Variants in CA8 observed in about 807,000 individuals in gnomAD.
CA8 encodes carbonic anhydrase-related protein.
Under a neutral mutation model 41.4 loss-of-function variants are expected in CA8, and 22 were observed. That is an observed-to-expected ratio of 0.53 (90% CI 0.38 to 0.76). The LOEUF is 0.76. Among genes scored for constraint, CA8 ranks in the 30% least tolerant of loss-of-function variants. The pLI, the probability that CA8 is intolerant of heterozygous loss-of-function variation, is 0.00. For missense variants in CA8, 270 were observed against 352.8 expected (o/e 0.77, Z 1.88); for synonymous variants, 121 against 130.6 (o/e 0.93, Z 0.50).
chr8:60,236,207 C>T (rs1478444355), intron 3 of CA8, among the ~76,000 whole-genome samples: 6 of 152,206 alleles, frequency 3.9e-5, no homozygotes, highest in African/African-American at 7.2e-5. Context: ...TTTAAGAGCA[C>T]AGACTGAGGT....
At position 60,188,608 on chromosome 8, in the gene CA8, G is replaced by C. The variant is rs1806028304; in HGVS notation, c.*1413C>G. On this transcript the variant is annotated 3_prime_UTR_variant, in exon 9 of 9. Coordinates refer to ENST00000317995, the MANE Select transcript of CA8 (RefSeq NM_004056.6). ...ACACTAGGAACTGTTATACACAAGG[G>C]AAGTCCAGGACCTCTCTCCGCTTTC... is the stretch of plus-strand genomic sequence containing the variant. 6.6e-6 allele frequency: 1 copy of C among 152,204 alleles called. No individual in the cohort carries two copies. The highest frequency in any genetic ancestry group is 6.6e-5 in the Admixed American group (1 of 15,264). 9.4% of individuals were successfully genotyped at this position (152,204 alleles called of 1,614,324 possible). A position where few individuals can be genotyped will look rare whatever the true frequency, so the allele number is the denominator to read the frequency against.
intron 3 of CA8, among the ~76,000 whole-genome samples, chr8:60,234,663 A>T (rs1277868596): frequency 6.6e-6 from 1 of 152,164 alleles, no homozygotes; most frequent in Non-Finnish European, 1.5e-5. Context: ...ATGTCCAGCA[A>T]AATAACACGA....
At chr8:60,276,996 G>A (rs1324516509) in intron 2 of CA8, among the ~76,000 whole-genome samples, 1 of 151,934 alleles carries the variant, frequency 6.6e-6, no homozygotes, top group Non-Finnish European at 1.5e-5. Flanking sequence ...GCGGGCGCCT[G>A]TAATCCCAGC....
intron 8 of CA8, among the ~76,000 whole-genome samples, chr8:60,204,951 G>C (rs1365933557): frequency 6.6e-6 from 1 of 152,038 alleles, no homozygotes; most frequent in African/African-American, 2.4e-5. Context: ...AACTCTTTTA[G>C]GTTATCAAAG....
At chr8:60,211,277 T>C (rs1385429493) in intron 7 of CA8, among the ~76,000 whole-genome samples, 3 of 152,242 alleles carry the variant, frequency 2.0e-5, no homozygotes, top group Non-Finnish European at 4.4e-5. Flanking sequence ...TCTTTTGAAG[T>C]GAAACCTTCA....
chr8:60,208,990 G>A (rs1806738443), intron 7 of CA8, 71 bp from the exon 8 acceptor site: 15 of 1,453,442 alleles, frequency 1.0e-5, no homozygotes, highest in East Asian at 4.6e-5. Context: ...TTTCATAAAT[G>A]ACATGCATAA....
chr8:60,280,907 G>A, intron 1 of CA8, 141 bp downstream of exon 1: 2 of 696,134 alleles, frequency 2.9e-6, no homozygotes, highest in South Asian at 1.5e-5. Flanking sequence ...AGGGGAGTGG[G>A]AAAGTGGCAG....
chr8:60,256,600 CA>C (rs111493657), intron 3 of CA8, among the ~76,000 whole-genome samples: 1 of 151,508 alleles, frequency 6.6e-6, no homozygotes, highest in East Asian at 1.9e-4. Context: ...CAGAAAAAAA[CA>C]AAAAAAAGCA....
intron 7 of CA8, among the ~76,000 whole-genome samples, chr8:60,217,927 C>A (rs922943473): frequency 3.9e-5 from 6 of 152,160 alleles, no homozygotes; most frequent in African/African-American, 1.4e-4. Flanking sequence ...AATTCAAATT[C>A]GGTCATATCT....
At chr8:60,225,122 T>C (rs1368984316) in intron 5 of CA8, among the ~76,000 whole-genome samples, 1 of 152,098 alleles carries the variant, frequency 6.6e-6, no homozygotes, top group Admixed American at 6.6e-5. Context: ...ATGGAAATAT[T>C]CTGTTCCGAT....
intron 8 of CA8, 162 bp downstream of exon 8, chr8:60,208,588 T>C (rs1307077147): frequency 3.1e-6 from 2 of 648,134 alleles, no homozygotes; most frequent in Non-Finnish European, 5.4e-6. Context: ...AAATACCTAC[T>C]TGACCTGTAA....
chr8:60,274,354 C>T (rs1168873713), intron 2 of CA8, among the ~76,000 whole-genome samples: 1 of 151,932 alleles, frequency 6.6e-6, no homozygotes, highest in African/African-American at 2.4e-5. Flanking sequence ...TAATGGGCGG[C>T]GGTAGGGGGG....
chr8:60,247,480 C>T (rs1270601191), intron 3 of CA8, among the ~76,000 whole-genome samples: 2 of 152,166 alleles, frequency 1.3e-5, no homozygotes, highest in Non-Finnish European at 1.5e-5. Context: ...CATTCAACTT[C>T]CACTTATGAG....
At chr8:60,224,316 C>T (rs761526226) in intron 6 of CA8, among the ~76,000 whole-genome samples, 1 of 152,230 alleles carries the variant, frequency 6.6e-6, no homozygotes, top group Non-Finnish European at 1.5e-5. Flanking sequence ...CCTACGAAAG[C>T]TCTTCATGGA....
At chr8:60,193,624 G>C (rs1218309288) in intron 8 of CA8, among the ~76,000 whole-genome samples, 1 of 152,214 alleles carries the variant, frequency 6.6e-6, no homozygotes, top group Non-Finnish European at 1.5e-5. Flanking sequence ...CATGCTCACT[G>C]CCTTAGCTTC....
At chr8:60,240,464 T>C (rs1435895538) in intron 3 of CA8, among the ~76,000 whole-genome samples, 1 of 152,240 alleles carries the variant, frequency 6.6e-6, no homozygotes, top group Non-Finnish European at 1.5e-5. Context: ...CTTTTTAATA[T>C]TCTTATCTAT....
chr8:60,232,209 G>C (rs1807671013), intron 4 of CA8, 75 bp downstream of exon 4: 8 of 1,112,046 alleles, frequency 7.2e-6, no homozygotes, highest in Non-Finnish European at 1.1e-5. Context: ...ATAAAATTGA[G>C]AATAAAAAAA....
chr8:60,218,266 T>C (rs1054839410), intron 7 of CA8, among the ~76,000 whole-genome samples: 2 of 151,888 alleles, frequency 1.3e-5, no homozygotes, highest in Admixed American at 6.6e-5. Context: ...CAAGACTACG[T>C]CCATACCATC....
intron 3 of CA8, among the ~76,000 whole-genome samples, chr8:60,238,188 T>C (rs1807898716): frequency 6.6e-6 from 1 of 152,200 alleles, no homozygotes; most frequent in African/African-American, 2.4e-5. Flanking sequence ...AGCCTTATCA[T>C]CATTTGTCAC....
Sources: allele counts gnomAD v4.1 joint callset (sites outside exome capture counted in the v4.1 genomes callset), GRCh38; gene constraint gnomAD v4.1.1; transcripts MANE v1.5; gene names NCBI Gene and HGNC (gene_info 2026-07-23, HGNC 2026-07-21).